C8orf34: variants seen among roughly 807,000 people sequenced by gnomAD.
C8orf34 encodes the protein uncharacterized protein C8orf34.
C8orf34 carries 65 observed loss-of-function variants against 68.3 expected under a neutral mutation model. That is an observed-to-expected ratio of 0.95 (90% CI 0.78 to 1.17). The LOEUF (loss-of-function observed/expected upper bound fraction) is 1.17, where lower values mean the gene tolerates loss of function less well. Ranked by LOEUF, C8orf34 falls within the 50% of genes most tolerant of loss-of-function variation. The pLI is 0.00. For missense variants in C8orf34, 664 were observed against 655.4 expected (o/e 1.01, Z -0.14); for synonymous variants, 244 against 241.2 (o/e 1.01, Z -0.11).
chr8:68,611,353 A>G (rs1818018148), intron 7 of C8orf34, among the ~76,000 whole-genome samples: 2 of 152,178 alleles, frequency 1.3e-5, no homozygotes, highest in Non-Finnish European at 2.9e-5. Context: ...ATTCAGTTCA[A>G]CTGCATTTCT....
At chr8:68,636,690 G>A (rs1307311986) in intron 7 of C8orf34, among the ~76,000 whole-genome samples, 4 of 152,062 alleles carry the variant, frequency 2.6e-5, no homozygotes, top group Non-Finnish European at 4.4e-5. Flanking sequence ...GAGAGATCCC[G>A]AGCTTCACTA....
Position 68,721,351 on chromosome 8 carries a change from A to G in C8orf34, c.1328-10A>G. 1 of 1,578,072 alleles carries G rather than the reference A, an allele frequency of 6.3e-7. No individual in the cohort carries two copies. The highest frequency in any genetic ancestry group is 8.7e-7 in the Non-Finnish European group (1 of 1,153,150). On this transcript the variant is annotated splice_polypyrimidine_tract_variant and intron_variant, in intron 9 of 13. Transcript: ENST00000518698. ...AGTATAATTTATTCATTTTTTAAAA[A>G]TAAAAATAGATTCCTTGCCTGGGAC... is the stretch of plus-strand genomic sequence containing the variant.
intron 3 of C8orf34, among the ~76,000 whole-genome samples, chr8:68,460,243 C>T (rs906125049): frequency 2.1e-3 from 318 of 152,260 alleles, no homozygotes; most frequent in African/African-American, 6.7e-3. Flanking sequence ...GGGGGAGGGG[C>T]GCCCGCCATT....
intron 10 of C8orf34, among the ~76,000 whole-genome samples, chr8:68,763,143 T>C (rs1436012082): frequency 6.6e-6 from 1 of 152,196 alleles, no homozygotes; most frequent in African/African-American, 2.4e-5. Context: ...ACAATAGTCT[T>C]GGACTAAACT....
rs1246632457 is a variant in C8orf34, at chr8:68,392,181, AT to A, written c.328-47310del. Reference sequence around the variant, plus strand: ...TTTTCTCTTATATATTCTTTTTATAATTTTTTTTCATTTAGGCCTTTAATAA... The same window carrying A: ...TTTTCTCTTATATATTCTTTTTATAATTTTTTTCATTTAGGCCTTTAATAA... On this transcript the variant is annotated intron_variant, in intron 1 of 13. Transcript: ENST00000518698. 9.2e-5 allele frequency among the ~76,000 whole-genome samples: 14 copies of A among 151,644 alleles called. No homozygotes were observed. In the East Asian group the frequency reaches 1.9e-3, roughly 21 times the overall value.
At chr8:68,411,391 G>A (rs1809435974) in intron 1 of C8orf34, among the ~76,000 whole-genome samples, 1 of 152,158 alleles carries the variant, frequency 6.6e-6, no homozygotes, top group Non-Finnish European at 1.5e-5. Flanking sequence ...AGATAGGATT[G>A]TCCATTGCCT....
intron 7 of C8orf34, among the ~76,000 whole-genome samples, chr8:68,579,938 T>C (rs1817013990): frequency 1.3e-5 from 2 of 152,192 alleles, no homozygotes; most frequent in Admixed American, 1.3e-4. Context: ...TCAGATTAAA[T>C]CTATTCATTA....
intron 2 of C8orf34, among the ~76,000 whole-genome samples, chr8:68,441,026 G>C (rs371931430): frequency 1.2e-3 from 189 of 152,176 alleles, no homozygotes; most frequent in African/African-American, 3.4e-3. Context: ...GGATGGTCTC[G>C]ATCTCCTGAC....
intron 11 of C8orf34, among the ~76,000 whole-genome samples, chr8:68,783,075 AAAAAAGAAAAAAG>A (rs993167378): frequency 1.1e-4 from 16 of 151,498 alleles, no homozygotes; most frequent in Non-Finnish European, 2.2e-4. Flanking sequence ...CTCAAAAAAA[AAAAAAGAAAAAAG>A]AAAAAGAAAA....
At chr8:68,737,780 G>A (rs1232643831) in intron 10 of C8orf34, among the ~76,000 whole-genome samples, 2 of 151,976 alleles carry the variant, frequency 1.3e-5, no homozygotes, top group African/African-American at 4.8e-5. Flanking sequence ...AGCAAGTTCT[G>A]AGAGACCTTC....
chr8:68,695,937 C>A (rs1820819207), intron 8 of C8orf34, among the ~76,000 whole-genome samples: 1 of 151,950 alleles, frequency 6.6e-6, no homozygotes, highest in South Asian at 2.1e-4. Context: ...CTTGCTCTTT[C>A]AGTTAATTTG....
intron 1 of C8orf34, among the ~76,000 whole-genome samples, chr8:68,398,593 A>G (rs1354210148): frequency 6.6e-6 from 1 of 152,198 alleles, no homozygotes; most frequent in South Asian, 2.1e-4. Context: ...CCATTTCACT[A>G]TGTATTAATA....
intron 1 of C8orf34, among the ~76,000 whole-genome samples, chr8:68,361,736 T>G (rs972685355): frequency 6.6e-6 from 1 of 152,240 alleles, no homozygotes; most frequent in African/African-American, 2.4e-5. Context: ...CTCCCAAATA[T>G]TTAATTTATA....
intron 1 of C8orf34, among the ~76,000 whole-genome samples, chr8:68,437,750 A>G (rs1011136453): frequency 6.6e-6 from 1 of 152,150 alleles, no homozygotes; most frequent in Non-Finnish European, 1.5e-5. Flanking sequence ...CACTTGTCTA[A>G]TAAATATCTT....
intron 10 of C8orf34, among the ~76,000 whole-genome samples, chr8:68,757,698 A>G (rs1822906862): frequency 1.3e-5 from 2 of 152,200 alleles, no homozygotes; most frequent in Non-Finnish European, 2.9e-5. Context: ...ACATGTAAAG[A>G]GTAGGTGCAA....
At chr8:68,558,853 G>T (rs936033662) in intron 7 of C8orf34, among the ~76,000 whole-genome samples, 1 of 151,880 alleles carries the variant, frequency 6.6e-6, no homozygotes, top group East Asian at 1.9e-4. Flanking sequence ...TAGAGAAAAA[G>T]ACAAGAAACA....
chr8:68,400,657 C>T (rs1808910840), intron 1 of C8orf34, among the ~76,000 whole-genome samples: 1 of 152,082 alleles, frequency 6.6e-6, no homozygotes, highest in Non-Finnish European at 1.5e-5. Flanking sequence ...AACTCCTGGG[C>T]TTAGGTGATC....
intron 1 of C8orf34, among the ~76,000 whole-genome samples, chr8:68,393,727 T>C (rs915804306): frequency 6.6e-6 from 1 of 152,128 alleles, no homozygotes; most frequent in Non-Finnish European, 1.5e-5. Context: ...TAATCATCTT[T>C]AGGAGTTTGG....
intron 12 of C8orf34, among the ~76,000 whole-genome samples, chr8:68,797,493 G>A (rs1008759248): frequency 2.6e-5 from 4 of 151,914 alleles, no homozygotes; most frequent in African/African-American, 7.3e-5. Flanking sequence ...AATAAGTGGA[G>A]CTACCATATT....
Sources: gnomAD v4.1 joint callset for allele counts (sites outside exome capture counted in the v4.1 genomes callset) on GRCh38, gnomAD v4.1.1 for gene constraint, MANE v1.5 for transcripts, NCBI Gene and HGNC (gene_info 2026-07-23, HGNC 2026-07-21) for gene names.